Variants in GABRA3 observed in about 807,000 individuals in gnomAD.
The protein encoded by GABRA3 is gamma-aminobutyric acid type A receptor subunit alpha3.
In GABRA3, 10 loss-of-function variants were observed where a neutral mutation model predicts 30.1. That is an observed-to-expected ratio of 0.33 (90% CI 0.20 to 0.56). The LOEUF is 0.56. Ranked by LOEUF, GABRA3 falls within the 20% of genes least tolerant of loss-of-function variation. GABRA3 has a pLI of 0.89. For synonymous variants in GABRA3, 151 were observed against 146.8 expected, an observed-to-expected ratio of 1.03 and a Z score of -0.21; for missense variants, 233 against 392.0, an observed-to-expected ratio of 0.59 and a Z score of 3.42.
At chrX:152,313,498 G>A (rs768066729) in intron 3 of GABRA3, among the ~76,000 whole-genome samples, 81 of 111,770 alleles carry the variant, frequency 7.2e-4, no homozygotes, top group African/African-American at 2.4e-3. Flanking sequence ...CCCAGTCTGC[G>A]CTCAGCACAG....
Position 152,344,499 on chromosome X carries a change from C to T in GABRA3, c.262+1082G>A, listed in dbSNP as rs186595717. On this transcript the variant is annotated intron_variant, in intron 3 of 9. Coordinates refer to ENST00000370314, the MANE Select transcript of GABRA3 (RefSeq NM_000808.4). ...GCCACCATAATTGTTATTAGTCTCACAGGGATAATCTATAGTTGTTAAGAC... is the reference window on the plus strand; with the variant it reads ...GCCACCATAATTGTTATTAGTCTCATAGGGATAATCTATAGTTGTTAAGAC... Among the ~76,000 whole-genome samples, 423 of 111,789 alleles carry T rather than the reference C, an allele frequency of 3.8e-3. 2 individuals carry two copies. Among genetic ancestry groups the T allele is most frequent in the African/African-American group, 0.013 (397 of 30,798 alleles).
rs758358909 is a variant in GABRA3 at position 152,361,339 on chromosome X, C to T, written c.140+3092G>A. ...GGGCACAGTGGCTCATACTGGGAGG[C>T]TGAGGCGGGCGGATCACAAGGTCAG... is the stretch of plus-strand genomic sequence containing the variant. On this transcript the variant is annotated intron_variant, in intron 2 of 9. Coordinates refer to ENST00000370314, the MANE Select transcript of GABRA3 (RefSeq NM_000808.4). Among the ~76,000 whole-genome samples the T allele has an allele frequency of 1.7e-4, 19 of 109,281 alleles. No individual in the cohort carries two copies. The East Asian group carries it at 4.4e-3, about 25-fold the overall frequency. The allele number at this position is 109,281 out of a possible 115,157, so 94.9% of individuals were successfully genotyped here.
intron 1 of GABRA3, among the ~76,000 whole-genome samples, chrX:152,409,310 C>T (rs1930012025): frequency 1.8e-5 from 2 of 111,724 alleles, no homozygotes; most frequent in South Asian, 7.5e-4. Flanking sequence ...TGCACCACTG[C>T]ACTCCAGCCA....
chrX:152,401,266 G>GTGTA (rs1340682706), intron 1 of GABRA3, among the ~76,000 whole-genome samples: 1 of 97,318 alleles, frequency 1.0e-5, no homozygotes, highest in African/African-American at 4.0e-5. Context: ...TTTAATGTGT[G>GTGTA]TATATATATA....
chrX:152,238,033 A>C (rs1279321064), intron 5 of GABRA3, among the ~76,000 whole-genome samples: 248 of 108,276 alleles, frequency 2.3e-3, no homozygotes, highest in Non-Finnish European at 4.0e-3. Context: ...CACTATGTTG[A>C]ATAGGAGTGG....
At chrX:152,397,827 G>T (rs1305876436) in intron 1 of GABRA3, among the ~76,000 whole-genome samples, 2 of 110,723 alleles carry the variant, frequency 1.8e-5, no homozygotes, top group Non-Finnish European at 3.8e-5. Flanking sequence ...CCACCTTATC[G>T]AGCTGTCGGG....
chrX:152,436,976 T>C (rs1290151073), intron 1 of GABRA3, among the ~76,000 whole-genome samples: 1 of 111,459 alleles, frequency 9.0e-6, no homozygotes, highest in Non-Finnish European at 1.9e-5. Flanking sequence ...TATTGTATTA[T>C]AGAATGACCC....
chrX:152,186,421 T>TG (rs1162150109), intron 9 of GABRA3, among the ~76,000 whole-genome samples: 2 of 109,895 alleles, frequency 1.8e-5, no homozygotes, highest in African/African-American at 6.6e-5. Flanking sequence ...AGGCTGGTCT[T>TG]GAACTCCAGA....
intron 1 of GABRA3, among the ~76,000 whole-genome samples, chrX:152,370,204 C>T (rs948932960): frequency 3.6e-5 from 4 of 112,255 alleles, no homozygotes; most frequent in African/African-American, 9.7e-5. Flanking sequence ...GGTACCAATA[C>T]GACCAATTAT....
intron 4 of GABRA3, among the ~76,000 whole-genome samples, chrX:152,274,596 T>C (rs1403340513): frequency 1.8e-5 from 2 of 111,486 alleles, no homozygotes; most frequent in Non-Finnish European, 3.8e-5. Flanking sequence ...TTTGAAAATC[T>C]TTAGAAGTGA....
chrX:152,422,226 T>C (rs1602721697), intron 1 of GABRA3, among the ~76,000 whole-genome samples: 1 of 111,749 alleles, frequency 8.9e-6, no homozygotes, highest in East Asian at 2.8e-4. Flanking sequence ...TAAAAATTAA[T>C]GAACTATAGC....
chrX:152,187,141 T>G (rs1349192514), intron 9 of GABRA3: 1 of 111,836 alleles, frequency 8.9e-6, no homozygotes, highest in Non-Finnish European at 1.9e-5. Flanking sequence ...AAGGATACCT[T>G]TGTTCACTTT....
In GABRA3 at chrX:152,167,490, G is replaced by A. The variant is rs1364708498; in HGVS notation, c.*738C>T. On this transcript the variant is annotated 3_prime_UTR_variant, in exon 10 of 10. Transcript: ENST00000370314. Reference sequence around the variant, plus strand: ...TTAAGTAGTGCTCAGTTGGCTACAAGGGTGCCAAAGGCAGTGGGGGAAGAA... The same window carrying A: ...TTAAGTAGTGCTCAGTTGGCTACAAAGGTGCCAAAGGCAGTGGGGGAAGAA... 3.6e-5 allele frequency: 4 copies of A among 112,186 alleles called. No individual in the cohort carries two copies. The highest frequency in any genetic ancestry group is 1.3e-4 in the African/African-American group (4 of 30,818). 9.2% of individuals were successfully genotyped at this position (112,186 alleles called of 1,213,427 possible).
intron 1 of GABRA3, among the ~76,000 whole-genome samples, chrX:152,388,926 A>G (rs1178366463): frequency 1.8e-5 from 2 of 112,276 alleles, no homozygotes; most frequent in Non-Finnish European, 3.8e-5. Context: ...ATGAAAAAGG[A>G]AAAGAATGGT....
chrX:152,315,024 G>A (rs890075720), intron 3 of GABRA3, among the ~76,000 whole-genome samples: 14 of 111,035 alleles, frequency 1.3e-4, no homozygotes, highest in African/African-American at 3.9e-4. Flanking sequence ...GTTCCCACTC[G>A]GGCAGACAGA....
At chrX:152,342,161 A>G (rs1352271091) in intron 3 of GABRA3, among the ~76,000 whole-genome samples, 1 of 112,518 alleles carries the variant, frequency 8.9e-6, no homozygotes, top group African/African-American at 3.2e-5. Context: ...GTGAGCCACC[A>G]CGCCCGGCCC....
intron 1 of GABRA3, among the ~76,000 whole-genome samples, chrX:152,396,205 G>A (rs1929657908): frequency 8.9e-6 from 1 of 111,739 alleles, no homozygotes; most frequent in Admixed American, 9.5e-5. Context: ...TTGGAGTGAT[G>A]CTGCCACAAG....
intron 9 of GABRA3, among the ~76,000 whole-genome samples, chrX:152,175,063 G>T (rs995621311): frequency 4.5e-5 from 5 of 111,916 alleles, no homozygotes; most frequent in East Asian, 2.8e-4. Flanking sequence ...TTTCCCCATT[G>T]CTTGTTTTTG....
chrX:152,182,891 A>C (rs963867658), intron 9 of GABRA3, among the ~76,000 whole-genome samples: 2 of 98,102 alleles, frequency 2.0e-5, no homozygotes, highest in Admixed American at 1.2e-4. Context: ...ATATATATAT[A>C]GTGTATACAT....
Sources: allele counts gnomAD v4.1 joint callset (sites outside exome capture counted in the v4.1 genomes callset), GRCh38; gene constraint gnomAD v4.1.1; transcripts MANE v1.5; gene names NCBI Gene and HGNC (gene_info 2026-07-23, HGNC 2026-07-21).